The following SMPDL3B variants were observed in gnomAD, a reference collection of about 807,000 sequenced individuals.
The protein encoded by SMPDL3B is acid sphingomyelinase-like phosphodiesterase 3b.
A neutral mutation model predicts 37.9 loss-of-function variants in SMPDL3B; 31 were observed. That is an observed-to-expected ratio of 0.82 (90% CI 0.61 to 1.10). The LOEUF (loss-of-function observed/expected upper bound fraction) is 1.10. Among genes scored for constraint, SMPDL3B ranks in the 50% least tolerant of loss-of-function variants. SMPDL3B has a pLI of 0.00. For missense variants in SMPDL3B, 525 were observed against 597.8 expected (o/e 0.88, Z 1.27); for synonymous variants, 235 against 242.6 (o/e 0.97, Z 0.29).
intron 2 of SMPDL3B, 101 bp from the exon 3 acceptor site, chr1:27,948,964 C>T: frequency 6.3e-7 from 1 of 1,576,432 alleles, no homozygotes; most frequent in East Asian, 2.3e-5. Context: ...CATCTGAGGC[C>T]CAGGTCCATA....
chr1:27,941,307 A>T (rs886450958), intron 1 of SMPDL3B, among the ~76,000 whole-genome samples: 1 of 152,210 alleles, frequency 6.6e-6, no homozygotes, highest in Admixed American at 6.5e-5. Context: ...TGCAGTGGGC[A>T]TAAGAATCCC....
intron 4 of SMPDL3B, 26 bp from the exon 5 acceptor site, chr1:27,954,328 C>T: frequency 6.2e-7 from 1 of 1,601,292 alleles, no homozygotes; most frequent in South Asian, 1.1e-5. Flanking sequence ...TGGGGGCCTC[C>T]TTCATATTGT....
intron 1 of SMPDL3B, among the ~76,000 whole-genome samples, chr1:27,943,246 G>C (rs927776169): frequency 2.6e-5 from 4 of 152,296 alleles, no homozygotes; most frequent in Middle Eastern, 3.4e-3. Context: ...TGTTCCCAGG[G>C]CTCTGCGGAG....
Position 27,944,127 on chromosome 1 carries a change from G to GT in SMPDL3B, c.62-1099dup, listed in dbSNP as rs1456438563. On this transcript the variant is annotated intron_variant, in intron 1 of 7. Transcript: ENST00000373894. The stretch of plus-strand genomic sequence containing the variant: ...TCCTTTCTCTTTATTACACTGTGAA[G>GT]TTTTTTGCCACTTCAGCCTCCTTTG... Among the ~76,000 whole-genome samples, 5 of 151,812 alleles carry GT rather than the reference G, an allele frequency of 3.3e-5. No homozygotes were observed. In the East Asian group the frequency reaches 5.8e-4, roughly 18 times the overall value.
chr1:27,955,501 A>G (rs1476717731), intron 5 of SMPDL3B, among the ~76,000 whole-genome samples, 183 bp from the exon 6 acceptor site: 1 of 152,180 alleles, frequency 6.6e-6, no homozygotes, highest in East Asian at 1.9e-4. Context: ...GTGGGAAGGT[A>G]TGTGGTGCAT....
At chr1:27,950,571 A>G (rs2090447575) in intron 3 of SMPDL3B, among the ~76,000 whole-genome samples, 2 of 151,814 alleles carry the variant, frequency 1.3e-5, no homozygotes, top group African/African-American at 4.8e-5. Context: ...CTTCCATCTC[A>G]CTCTCCTAAG....
chr1:27,945,159 G>A lies in SMPDL3B; in HGVS notation c.62-73G>A. The A allele has an allele frequency of 6.8e-7, 1 of 1,473,068 alleles. No homozygotes were observed. Among genetic ancestry groups the A allele is most frequent in the Non-Finnish European group, 9.5e-7 (1 of 1,057,258 alleles). 91.2% of individuals were successfully genotyped at this position (1,473,068 alleles called of 1,614,324 possible). A position where few individuals can be genotyped will look rare whatever the true frequency, so the allele number is the denominator to read the frequency against. ...TGTAACGCCCCTGCCCCAGCCCAGG[G>A]CTCCCCTGGACTTCCTTGCTTCCAG... On this transcript the variant is annotated intron_variant, in intron 1 of 7. Transcript: ENST00000373894. The surrounding 1 kb of genome is among the most constrained non-coding windows in gnomAD (Gnocchi z 4.0).
At chr1:27,957,597 T>C (rs1638328926) in intron 7 of SMPDL3B, among the ~76,000 whole-genome samples, 1 of 152,116 alleles carries the variant, frequency 6.6e-6, no homozygotes, top group Non-Finnish European at 1.5e-5. Context: ...AACGACTGCA[T>C]GAGCTAACCC....
intron 1 of SMPDL3B, chr1:27,942,513 G>A: frequency 2.7e-6 from 1 of 371,254 alleles, no homozygotes; most frequent in Non-Finnish European, 5.4e-6. Flanking sequence ...CAGTCTTGCT[G>A]TGTCGCACAG....
intron 2 of SMPDL3B, 131 bp from the exon 3 acceptor site, chr1:27,948,934 G>A: frequency 6.6e-7 from 1 of 1,522,598 alleles, no homozygotes; most frequent in Admixed American, 2.0e-5. Context: ...CTCTAGCCTG[G>A]CCATTCCCCC....
intron 1 of SMPDL3B, among the ~76,000 whole-genome samples, chr1:27,943,150 G>A (rs1485939827): frequency 6.6e-6 from 1 of 152,124 alleles, no homozygotes; most frequent in Admixed American, 6.6e-5. Flanking sequence ...GGAGGGATTG[G>A]AGCCCAGAGA....
chr1:27,948,864 A>C, intron 2 of SMPDL3B: 1 of 887,562 alleles, frequency 1.1e-6, no homozygotes, highest in Non-Finnish European at 1.8e-6. Flanking sequence ...CAGCCAATCA[A>C]GGGACCCACA....
chr1:27,936,209 T>C (rs180701011), intron 1 of SMPDL3B, among the ~76,000 whole-genome samples: 1 of 152,206 alleles, frequency 6.6e-6, no homozygotes, highest in East Asian at 1.9e-4. Context: ...CCCAGCACTT[T>C]GGGAGGCTGA....
At chr1:27,940,360 C>T (rs979919127) in intron 1 of SMPDL3B, among the ~76,000 whole-genome samples, 4 of 152,204 alleles carry the variant, frequency 2.6e-5, no homozygotes, top group Non-Finnish European at 4.4e-5. Context: ...CCACTCCCCA[C>T]CTTGTCCTGT....
At position 27,958,868 on chromosome 1, in the gene SMPDL3B, G is replaced by C. The variant is rs544203099; in HGVS notation, c.*30G>C. 1.3e-4 allele frequency: 198 copies of C among 1,527,982 alleles called. No homozygotes were observed. In the Middle Eastern group the frequency reaches 1.6e-3, roughly 12 times the overall value. The allele number at this position is 1,527,982 out of a possible 1,614,324, so 94.7% of individuals were successfully genotyped here. On this transcript the variant is annotated 3_prime_UTR_variant, in exon 8 of 8. Transcript: ENST00000373894. This position sits in a 1 kb window ranked among gnomAD's most constrained non-coding sequence, Gnocchi z 5.6. ...CCAGGCTCACCTTCTTCCTGGTAACGGGTAACGGGGGCAGCGCCCAGGATC... is the reference window on the plus strand; with the variant it reads ...CCAGGCTCACCTTCTTCCTGGTAACCGGTAACGGGGGCAGCGCCCAGGATC...
Position 27,958,030 on chromosome 1 carries a change from A to C in SMPDL3B, c.1006-446A>C, listed in dbSNP as rs901970731. Among the ~76,000 whole-genome samples the C allele has an allele frequency of 3.3e-5, 5 of 152,270 alleles. No individual in the cohort carries two copies. Among genetic ancestry groups the C allele is most frequent in the African/African-American group, 1.2e-4 (5 of 41,542 alleles). On this transcript the variant is annotated intron_variant, in intron 7 of 7. Transcript: ENST00000373894. The surrounding 1 kb of genome is among the most constrained non-coding windows in gnomAD (Gnocchi z 5.6). ...TGAACCCTGCAGAGTCTAGCCGTGAACATGCACCTGGGTCCTAGGAGTCTA... is the reference window on the plus strand; with the variant it reads ...TGAACCCTGCAGAGTCTAGCCGTGACCATGCACCTGGGTCCTAGGAGTCTA...
Position 27,958,874 on chromosome 1 carries a change from CG to C in SMPDL3B, c.*41del, listed in dbSNP as rs1177026790. ...TCACCTTCTTCCTGGTAACGGGTAA[CG>C]GGGGCAGCGCCCAGGATCACCCAGA... is the stretch of plus-strand genomic sequence containing the variant. On this transcript the variant is annotated 3_prime_UTR_variant, in exon 8 of 8. Coordinates refer to ENST00000373894, the MANE Select transcript of SMPDL3B (RefSeq NM_014474.4). This position sits in a 1 kb window ranked among gnomAD's most constrained non-coding sequence, Gnocchi z 5.6. 2.0e-6 allele frequency: 3 copies of C among 1,514,114 alleles called. No homozygotes were observed. Among genetic ancestry groups the C allele is most frequent in the Middle Eastern group, 2.3e-4 (1 of 4,374 alleles). 93.8% of individuals were successfully genotyped at this position (1,514,114 alleles called of 1,614,324 possible). A position where few individuals can be genotyped will look rare whatever the true frequency, so the allele number is the denominator to read the frequency against.
intron 1 of SMPDL3B, among the ~76,000 whole-genome samples, chr1:27,938,488 C>T (rs1304581762): frequency 6.6e-6 from 1 of 152,184 alleles, no homozygotes; most frequent in African/African-American, 2.4e-5. Context: ...ACCTGTGTGA[C>T]CTGCAACCTT....
Position 27,942,361 on chromosome 1 carries a change from G to A in SMPDL3B, c.62-2871G>A, listed in dbSNP as rs370059578. On this transcript the variant is annotated intron_variant, in intron 1 of 7. Coordinates refer to ENST00000373894, the MANE Select transcript of SMPDL3B (RefSeq NM_014474.4). ...GGCCAGCCTGGCTCCGGGCTTGGAA[G>A]CAGGTGAGAGCCACTCACGGTCTCA... is the stretch of plus-strand genomic sequence containing the variant. The A allele has an allele frequency of 7.6e-5, 36 of 470,824 alleles. No individual in the cohort carries two copies. The East Asian group carries it at 2.2e-3, about 29-fold the overall frequency. The allele number at this position is 470,824 out of a possible 1,614,324, so 29.2% of individuals were successfully genotyped here.
Sources: allele counts gnomAD v4.1 joint callset (sites outside exome capture counted in the v4.1 genomes callset), GRCh38; gene constraint gnomAD v4.1.1; non-coding constraint Gnocchi (gnomAD v3.1); transcripts MANE v1.5; gene names NCBI Gene and HGNC (gene_info 2026-07-23, HGNC 2026-07-21).